TEK: variants seen among roughly 807,000 people sequenced by gnomAD.
The protein encoded by TEK is TEK receptor tyrosine kinase.
A neutral mutation model predicts 131.8 loss-of-function variants in TEK; 43 were observed. That is an observed-to-expected ratio of 0.33 (90% confidence interval 0.26 to 0.42). The LOEUF (loss-of-function observed/expected upper bound fraction) is 0.42. Among genes scored for constraint, TEK ranks in the 10% least tolerant of loss-of-function variants. The pLI is 1.00. For synonymous variants in TEK, 580 were observed against 491.6 expected, an observed-to-expected ratio of 1.18 and a Z score of -2.38; for missense variants, 1,162 against 1,384.4, an observed-to-expected ratio of 0.84 and a Z score of 2.55.
rs199871826 is a variant in TEK at position 27,192,595 on chromosome 9, T to C, written c.1596T>C (p.Pro532=). ...AGGGTGGGGAAGGGCATCCTGGACCTGTGAGACGCTTCACAACAGCTTCTA... is the reference window on the plus strand; with the variant it reads ...AGGGTGGGGAAGGGCATCCTGGACCCGTGAGACGCTTCACAACAGCTTCTA... ...RGEGGEGHPG[P]VRRFTTASIG... is the part of the protein sequence containing the mutation. Residue 532 remains proline, a synonymous_variant, in exon 11 of 23, where the codon CCT becomes CCC. Transcript: ENST00000380036. 1.9e-6 allele frequency: 3 copies of C among 1,613,690 alleles called. No individual in the cohort carries two copies. The highest frequency in any genetic ancestry group is 2.5e-6 in the Non-Finnish European group (3 of 1,179,854).
At chr9:27,221,460 G>A (rs199891321) in intron 21 of TEK, among the ~76,000 whole-genome samples, 10 of 116,826 alleles carry the variant, frequency 8.6e-5, no homozygotes, top group Admixed American at 1.6e-4. Flanking sequence ...TCCCTGACCC[G>A]ACCCCTGTGC....
intron 18 of TEK, among the ~76,000 whole-genome samples, chr9:27,215,503 G>T (rs1341788880): frequency 6.6e-6 from 1 of 151,114 alleles, no homozygotes; most frequent in Non-Finnish European, 1.5e-5. Flanking sequence ...AGATGATTGA[G>T]TCCTATCCTG....
intron 18 of TEK, among the ~76,000 whole-genome samples, chr9:27,216,187 T>C (rs1009398705): frequency 3.6e-4 from 54 of 152,030 alleles, no homozygotes; most frequent in African/African-American, 1.2e-3. Flanking sequence ...TTTTAAGGAA[T>C]AGAACTACAT....
Position 27,228,249 on chromosome 9 carries a change from A to C in TEK, c.3244A>C (p.Arg1082=). 1 of 1,613,160 alleles carries C rather than the reference A, an allele frequency of 6.2e-7. No individual in the cohort carries two copies. The highest frequency in any genetic ancestry group is 8.5e-7 in the Non-Finnish European group (1 of 1,179,298). The change falls in exon 22 of 23, where the codon AGG becomes CGG. Residue 1082 remains arginine (R), a synonymous_variant. Coordinates refer to ENST00000380036, the MANE Select transcript of TEK (RefSeq NM_000459.5). ...RQCWREKPYE[R]PSFAQILVSL... is the part of the protein sequence containing the mutation. ...ATGCTGGCGGGAGAAGCCTTATGAG[A>C]GGCCATCATTTGCCCAGATATTGGT...
intron 1 of TEK, among the ~76,000 whole-genome samples, chr9:27,123,799 G>T (rs1821888212): frequency 2.0e-5 from 3 of 149,930 alleles, no homozygotes. Flanking sequence ...ATTCTTTTGA[G>T]ATAGTCTCAC....
intron 17 of TEK, among the ~76,000 whole-genome samples, chr9:27,213,265 T>A (rs1217257911): frequency 6.6e-6 from 1 of 152,150 alleles, no homozygotes; most frequent in African/African-American, 2.4e-5. Flanking sequence ...ACAACCTGTG[T>A]TTTTTATTTG....
intron 11 of TEK, chr9:27,195,748 A>C (rs1233997068): frequency 2.2e-6 from 1 of 448,928 alleles, no homozygotes; most frequent in Non-Finnish European, 4.4e-6. Context: ...CCTTCCAAGC[A>C]TTTTCACATC....
intron 1 of TEK, among the ~76,000 whole-genome samples, chr9:27,144,494 C>T (rs1356304560): frequency 2.6e-5 from 4 of 152,106 alleles, no homozygotes; most frequent in Non-Finnish European, 5.9e-5. Context: ...CATAGGCCTC[C>T]GACTCTTGAG....
At chr9:27,149,872 T>A (rs1823062176) in intron 1 of TEK, among the ~76,000 whole-genome samples, 2 of 152,168 alleles carry the variant, frequency 1.3e-5, no homozygotes, top group East Asian at 3.9e-4. Context: ...AAAGATGCAT[T>A]TTTCCCATAC....
At chr9:27,184,283 T>G (rs1587565017) in intron 8 of TEK, among the ~76,000 whole-genome samples, 1 of 152,328 alleles carries the variant, frequency 6.6e-6, no homozygotes, top group South Asian at 2.1e-4. Flanking sequence ...TCGAACATGC[T>G]TTCCTTCTCT....
At chr9:27,199,375 G>A (rs7027984) in intron 12 of TEK, among the ~76,000 whole-genome samples, 37,851 of 151,976 alleles carry the variant, frequency 0.25, 4,892 homozygotes, top group Admixed American at 0.33. Flanking sequence ...ACAGGTGTGA[G>A]AGTTTTTCTA....
intron 11 of TEK, among the ~76,000 whole-genome samples, chr9:27,194,165 C>A (rs189129806): frequency 1.6e-4 from 25 of 152,278 alleles, no homozygotes; most frequent in Admixed American, 1.6e-3. Flanking sequence ...CCCAAAGGCA[C>A]CAGCTTATTA....
chr9:27,174,300 G>A (rs1046948847), intron 6 of TEK, among the ~76,000 whole-genome samples: 2 of 152,138 alleles, frequency 1.3e-5, no homozygotes, highest in African/African-American at 4.8e-5. Flanking sequence ...ACTAAAGGTA[G>A]CTACGATGGG....
chr9:27,119,987 C>CT (rs1273815879), intron 1 of TEK, among the ~76,000 whole-genome samples: 1 of 152,160 alleles, frequency 6.6e-6, no homozygotes, highest in Non-Finnish European at 1.5e-5. Flanking sequence ...TTCCACCTTC[C>CT]TTTAGTCTCC....
At chr9:27,174,833 A>T (rs530656103) in intron 6 of TEK, among the ~76,000 whole-genome samples, 22 of 152,076 alleles carry the variant, frequency 1.4e-4, no homozygotes, top group African/African-American at 4.6e-4. Flanking sequence ...CTTGTATTTT[A>T]AAAAAAATTA....
intron 2 of TEK, among the ~76,000 whole-genome samples, chr9:27,159,251 T>C (rs377456957): frequency 2.0e-5 from 3 of 152,296 alleles, no homozygotes; most frequent in African/African-American, 7.2e-5. Context: ...CTCATGTGTT[T>C]CTATTTTTTT....
chr9:27,209,074 G>A lies in TEK; in HGVS notation c.2576-47G>A, dbSNP rs769032106. On this transcript the variant is annotated intron_variant, in intron 15 of 22. Coordinates refer to ENST00000380036, the MANE Select transcript of TEK (RefSeq NM_000459.5). ...GGGGCAGGACGGGACAGCTGATTCT[G>A]AAAAGGTGTAACAAAGAAGAATCAC... 2.9e-6 allele frequency: 4 copies of A among 1,377,214 alleles called. No individual in the cohort carries two copies. In the Admixed American group the frequency reaches 6.7e-5, roughly 23 times the overall value. 85.3% of individuals were successfully genotyped at this position (1,377,214 alleles called of 1,614,324 possible). A position where few individuals can be genotyped will look rare whatever the true frequency, so the allele number is the denominator to read the frequency against.
At chr9:27,201,944 GAAGC>G (rs1170131307) in intron 12 of TEK, among the ~76,000 whole-genome samples, 2 of 152,192 alleles carry the variant, frequency 1.3e-5, no homozygotes, top group East Asian at 3.8e-4. Context: ...TCTGCATGTG[GAAGC>G]ACATTGTAAA....
At chr9:27,131,338 T>G (rs1450821764) in intron 1 of TEK, among the ~76,000 whole-genome samples, 1 of 150,878 alleles carries the variant, frequency 6.6e-6, no homozygotes, top group Non-Finnish European at 1.5e-5. Context: ...AATACAAAAA[T>G]CAGGTGGGTG....
Sources: gnomAD v4.1 joint callset for allele counts (sites outside exome capture counted in the v4.1 genomes callset) on GRCh38, gnomAD v4.1.1 for gene constraint, MANE v1.5 for transcripts, NCBI Gene and HGNC (gene_info 2026-07-23, HGNC 2026-07-21) for gene names.